Variants in SNX2 observed in about 807,000 individuals in gnomAD.
SNX2 encodes sorting nexin-2.
A neutral mutation model predicts 69.9 loss-of-function variants in SNX2; 25 were observed. The observed-to-expected ratio is 0.36, with a 90% CI of 0.26 to 0.50. The LOEUF (loss-of-function observed/expected upper bound fraction) is 0.50. Ranked by LOEUF, SNX2 falls within the 20% of genes least tolerant of loss-of-function variation. SNX2 has a pLI of 0.97. For missense variants in SNX2, 551 were observed against 613.3 expected (o/e 0.90, Z 1.07); for synonymous variants, 229 against 200.4 (o/e 1.14, Z -1.20).
chr5:122,775,635 G>A, intron 1 of SNX2: 3 of 988,330 alleles, frequency 3.0e-6, no homozygotes, highest in Middle Eastern at 5.2e-4. Flanking sequence ...CCAGGGGAGC[G>A]CAATGAAGTG....
intron 14 of SNX2, 175 bp downstream of exon 14, chr5:122,827,821 G>GTTTTTTTTTTTTTTTTTTT: frequency 2.4e-6 from 1 of 422,678 alleles, no homozygotes; most frequent in Non-Finnish European, 4.2e-6. Context: ...TATCTCACGT[G>GTTTTTTTTTTTTTTTTTTT]TTTTTTTTTT....
At position 122,799,870 on chromosome 5, in the gene SNX2, AT is replaced by A; in HGVS notation, c.390+17del. 1.3e-6 allele frequency: 2 copies of A among 1,589,954 alleles called. No individual in the cohort carries two copies. The highest frequency in any genetic ancestry group is 1.7e-6 in the Non-Finnish European group (2 of 1,163,774). On this transcript the variant is annotated intron_variant, in intron 3 of 14. Coordinates refer to ENST00000379516, the MANE Select transcript of SNX2 (RefSeq NM_003100.4). Reference sequence around the variant, plus strand: ...CCAGGGAAGAGGTACAGGAAAATGTATTCTAAATTAATATGTAAATATATAC... The same window carrying A: ...CCAGGGAAGAGGTACAGGAAAATGTATCTAAATTAATATGTAAATATATAC...
At chr5:122,785,016 TATC>T (rs1399257828) in intron 1 of SNX2, among the ~76,000 whole-genome samples, 5 of 152,228 alleles carry the variant, frequency 3.3e-5, no homozygotes, top group Non-Finnish European at 5.9e-5. Context: ...TTGTAGTACT[TATC>T]ATCCTGTTAA....
intron 1 of SNX2, among the ~76,000 whole-genome samples, chr5:122,776,568 T>G (rs1752861446): frequency 6.6e-6 from 1 of 152,210 alleles, no homozygotes; most frequent in African/African-American, 2.4e-5. Flanking sequence ...TAATAAAAAT[T>G]ATCTTGCAGA....
intron 1 of SNX2, among the ~76,000 whole-genome samples, chr5:122,792,743 C>G (rs1753273932): frequency 1.3e-5 from 2 of 152,072 alleles, no homozygotes; most frequent in South Asian, 4.1e-4. Flanking sequence ...TAATACATAT[C>G]TGACAAAGAA....
intron 11 of SNX2, among the ~76,000 whole-genome samples, chr5:122,822,825 C>T (rs1754054122): frequency 6.6e-6 from 1 of 152,084 alleles, no homozygotes; most frequent in Non-Finnish European, 1.5e-5. Flanking sequence ...TAGAACTCTT[C>T]ATAAATAATT....
chr5:122,820,077 A>T (rs998172150), intron 11 of SNX2, among the ~76,000 whole-genome samples: 10 of 152,186 alleles, frequency 6.6e-5, no homozygotes, highest in Non-Finnish European at 1.3e-4. Flanking sequence ...TATATACTTC[A>T]TTATATATAG....
chr5:122,784,209 A>G (rs1454825245), intron 1 of SNX2, among the ~76,000 whole-genome samples: 1 of 146,212 alleles, frequency 6.8e-6, no homozygotes, highest in African/African-American at 2.5e-5. Context: ...CAGTCTTTAT[A>G]CCTTTTTTTT....
intron 6 of SNX2, among the ~76,000 whole-genome samples, chr5:122,805,525 T>C (rs755850043): frequency 2.0e-5 from 3 of 152,134 alleles, no homozygotes; most frequent in Non-Finnish European, 4.4e-5. Flanking sequence ...CCTAATGTAT[T>C]TAGATGAATT....
intron 11 of SNX2, among the ~76,000 whole-genome samples, chr5:122,823,922 C>G (rs1754087473): frequency 6.6e-6 from 1 of 152,000 alleles, no homozygotes; most frequent in Non-Finnish European, 1.5e-5. Context: ...AATGTCATGG[C>G]CGGGCGCGGT....
intron 6 of SNX2, among the ~76,000 whole-genome samples, chr5:122,806,467 G>C (rs114809772): frequency 0.012 from 1,761 of 152,216 alleles, 27 homozygotes; most frequent in Middle Eastern, 0.027. Context: ...TGAAGGGAGA[G>C]TCTTCATTAG....
rs146641084 is a variant in SNX2, at chr5:122,830,594, TAAGC to T, written c.*952_*955del. Among the ~76,000 whole-genome samples, 2,113 of 152,304 alleles carry T rather than the reference TAAGC, an allele frequency of 0.014. 21 individuals are homozygous for T. The highest frequency in any genetic ancestry group is 0.018 in the Non-Finnish European group (1,224 of 68,012). On this transcript the variant is annotated 3_prime_UTR_variant, in exon 15 of 15. Coordinates refer to ENST00000379516, the MANE Select transcript of SNX2 (RefSeq NM_003100.4). ...TTAAAATATACCATGATTTGATGAATAAGCAAGCACAACACAAAGCAAATTTGAA... is the reference window on the plus strand; with the variant it reads ...TTAAAATATACCATGATTTGATGAATAAGCACAACACAAAGCAAATTTGAA...
intron 7 of SNX2, among the ~76,000 whole-genome samples, chr5:122,814,451 A>G (rs970458529): frequency 1.3e-5 from 2 of 152,184 alleles, no homozygotes; most frequent in Non-Finnish European, 1.5e-5. Context: ...TATGTGGGCT[A>G]CTGACTTAAA....
In SNX2 at chr5:122,832,561, TAA is replaced by T. The variant is rs1754318360; in HGVS notation, c.*2915_*2916del. 2.0e-5 allele frequency: 3 copies of T among 152,168 alleles called. No individual in the cohort carries two copies. The South Asian group carries it at 6.2e-4, about 31-fold the overall frequency. The allele number at this position is 152,168 out of a possible 1,614,324, so 9.4% of individuals were successfully genotyped here. ...TTTTTTCTTTATTATCTAGATCTAG[TAA>T]AGTTTTCTGCATTCATTGTATTAAT... On this transcript the variant is annotated 3_prime_UTR_variant, in exon 15 of 15. Transcript: ENST00000379516.
At chr5:122,785,345 A>G (rs1011936662) in intron 1 of SNX2, among the ~76,000 whole-genome samples, 6 of 151,536 alleles carry the variant, frequency 4.0e-5, no homozygotes, top group Middle Eastern at 3.2e-3. Context: ...AGGGAGTCAC[A>G]CTATGTTGCC....
At chr5:122,782,647 C>G (rs1704806930) in intron 1 of SNX2, among the ~76,000 whole-genome samples, 1 of 152,138 alleles carries the variant, frequency 6.6e-6, no homozygotes, top group South Asian at 2.1e-4. Context: ...AGCGATTCTC[C>G]TGCCTCAGCC....
intron 1 of SNX2, among the ~76,000 whole-genome samples, chr5:122,784,480 T>G (rs1279567492): frequency 6.6e-6 from 1 of 152,072 alleles, no homozygotes; most frequent in East Asian, 1.9e-4. Context: ...CTTCTTTAGT[T>G]TATTGATAAG....
chr5:122,805,188 G>A (rs1159752644), intron 6 of SNX2, among the ~76,000 whole-genome samples: 1 of 151,752 alleles, frequency 6.6e-6, no homozygotes, highest in East Asian at 2.0e-4. Context: ...CTACTTGGGA[G>A]GCTGAGATGG....
In SNX2 at chr5:122,826,062, C is replaced by T; in HGVS notation, c.1225C>T (p.His409Tyr). 1 of 1,612,666 alleles carries T rather than the reference C, an allele frequency of 6.2e-7. No homozygotes were observed. Among genetic ancestry groups the T allele is most frequent in the South Asian group, 1.1e-5 (1 of 90,984 alleles). The part of the protein sequence containing the change: ...LIAAVKGVFD[H>Y]RMKCWQKWED... Reference sequence around the variant, plus strand: ...CATTCACTTATAGGGTGTGTTTGACCATCGAATGAAGTGCTGGCAGAAATG... The same window carrying T: ...CATTCACTTATAGGGTGTGTTTGACTATCGAATGAAGTGCTGGCAGAAATG... Residue 409 changes from histidine to tyrosine, a missense_variant, in exon 12 of 15, where the codon CAT becomes TAT. His to Tyr is a moderately conservative substitution (Grantham distance 83). This residue lies in a region of SNX2 where 360 missense variants were observed against 450.4 expected (regional missense o/e 0.80). Coordinates refer to ENST00000379516, the MANE Select transcript of SNX2 (RefSeq NM_003100.4).
Sources: gnomAD v4.1 joint callset for allele counts (sites outside exome capture counted in the v4.1 genomes callset) on GRCh38, gnomAD v4.1.1 for gene constraint, gnomAD v4.1.1 regional missense constraint, MANE v1.5 for transcripts, NCBI Gene and HGNC (gene_info 2026-07-23, HGNC 2026-07-21) for gene names.